Variants in SLC25A29 observed in about 807,000 individuals in gnomAD.
The protein encoded by SLC25A29 is mitochondrial basic amino acids transporter.
A neutral mutation model predicts 10.0 loss-of-function variants in SLC25A29; 13 were observed. The observed-to-expected ratio is 1.30, with a 90% CI of 0.85 to 2.07. SLC25A29 has a LOEUF of 2.07. SLC25A29 is among the 30% of genes most tolerant of loss of function. SLC25A29 has a pLI of 0.00. For synonymous variants in SLC25A29, 244 were observed against 221.1 expected, an observed-to-expected ratio of 1.10 and a Z score of -0.92; for missense variants, 475 against 447.6, an observed-to-expected ratio of 1.06 and a Z score of -0.55.
intron 1 of SLC25A29, among the ~76,000 whole-genome samples, chr14:100,302,927 C>G (rs1343566447): frequency 6.6e-6 from 1 of 152,154 alleles, no homozygotes; most frequent in Admixed American, 6.5e-5. Context: ...CCAACACTTT[C>G]ACTGTGCAGA....
chr14:100,281,638 T>C, the SLC25A29 span: 1 of 152,338 alleles, frequency 6.6e-6, no homozygotes, highest in East Asian at 1.9e-4. Flanking sequence ...TCTCTCTGAC[T>C]TTACAGGACA....
At chr14:100,304,216 T>C (rs1595374868) in intron 1 of SLC25A29, among the ~76,000 whole-genome samples, 1 of 152,144 alleles carries the variant, frequency 6.6e-6, no homozygotes, top group African/African-American at 2.4e-5. Context: ...GCTGCTGGGG[T>C]ACGGGTCCCA....
chr14:100,305,705 C>T (rs1426185531), intron 1 of SLC25A29: 1 of 152,644 alleles, frequency 6.6e-6, no homozygotes, highest in Admixed American at 6.5e-5. Context: ...GACTCGGCGC[C>T]AGAGTGGTTC....
rs752742521 is a variant in SLC25A29, at chr14:100,292,540, C to T, written c.655G>A (p.Ala219Thr). The T allele has an allele frequency of 1.9e-6, 3 of 1,598,424 alleles. No homozygotes were observed. The South Asian group carries it at 3.4e-5, about 18-fold the overall frequency. ...CGCGGGGCGCCCCGCAGTCCGTCCG[C>T]CTGCAGCCGCGACTTGACCACGTCC... Reference protein sequence around the residue: ...PVDVVKSRLQADGLRGAPRYR... With the variant: ...PVDVVKSRLQTDGLRGAPRYR... Residue 219 changes from alanine to threonine, a missense_variant, in exon 4 of 4, where the codon GCG becomes ACG. By Grantham distance (58) the Ala-to-Thr change is moderately conservative (BLOSUM62 0). Transcript: ENST00000359232.
At chr14:100,289,028 G>A (rs1197019636), downstream of SLC25A29, among the ~76,000 whole-genome samples, 2 of 151,846 alleles carry the variant, frequency 1.3e-5, no homozygotes, top group Non-Finnish European at 2.9e-5. Flanking sequence ...AGACACACAG[G>A]AGAAGGCGGC....
the SLC25A29 span, among the ~76,000 whole-genome samples, chr14:100,284,127 C>T: frequency 6.6e-6 from 1 of 152,168 alleles, no homozygotes; most frequent in Non-Finnish European, 1.5e-5. Context: ...TATCACCATG[C>T]TGTAAGAGAG....
chr14:100,298,696 A>T, intron 2 of SLC25A29, 146 bp downstream of exon 2: 1 of 992,482 alleles, frequency 1.0e-6, no homozygotes, highest in Non-Finnish European at 1.6e-6. Context: ...GCCAGGACAA[A>T]GCAGTGAGGA....
intron 1 of SLC25A29, chr14:100,305,901 G>A: frequency 2.9e-6 from 1 of 343,952 alleles, no homozygotes; most frequent in Non-Finnish European, 5.2e-6. Flanking sequence ...GGCGCGGGGG[G>A]CAGTGGGGCA....
chr14:100,288,085 C>T (rs1466861128), downstream of SLC25A29, among the ~76,000 whole-genome samples: 4 of 152,170 alleles, frequency 2.6e-5, no homozygotes, highest in Non-Finnish European at 5.9e-5. Context: ...CAGCTCCGGC[C>T]GCAAGACAGT....
Position 100,306,249 on chromosome 14 carries a change from A to G in SLC25A29, c.-17T>C. On this transcript the variant is annotated 5_prime_UTR_variant, in exon 1 of 4. Coordinates refer to ENST00000359232, the MANE Select transcript of SLC25A29 (RefSeq NM_001039355.3). ...CAGCGCCATGGCCGGGTCCCCGGCG[A>G]GGCCGCCTTTCCTCCTCGTCCTCCC... is the stretch of plus-strand genomic sequence containing the variant. 6.7e-7 allele frequency: 1 copy of G among 1,484,278 alleles called. No homozygotes were observed. Among genetic ancestry groups the G allele is most frequent in the Non-Finnish European group, 8.9e-7 (1 of 1,120,906 alleles). The allele number at this position is 1,484,278 out of a possible 1,614,324, so 91.9% of individuals were successfully genotyped here. A position where few individuals can be genotyped will look rare whatever the true frequency, so the allele number is the denominator to read the frequency against.
Position 100,293,294 on chromosome 14 carries a change from G to A in SLC25A29, c.162C>T (p.Ser54=), listed in dbSNP as rs745888677. 6 of 1,612,848 alleles carry A rather than the reference G, an allele frequency of 3.7e-6. No individual in the cohort carries two copies. The highest frequency in any genetic ancestry group is 1.3e-5 in the African/African-American group (1 of 74,908). ...HCFKSIIKQE[S]VLGLYKGLGS... ...AGCCCCACCAGCCCAGGCCACTCAC[G>A]CTCTCTTGCTTGATGATGGACTTGA... The change falls in exon 3 of 4, where the codon AGC becomes AGT. Residue 54 remains serine, a splice_region_variant and synonymous_variant. Transcript: ENST00000359232.
At chr14:100,283,503 A>G in the SLC25A29 span, among the ~76,000 whole-genome samples, 5 of 121,028 alleles carry the variant, frequency 4.1e-5, no homozygotes, top group African/African-American at 1.7e-4. Context: ...TTTTTTTTTT[A>G]GATGGAGTAT....
At chr14:100,295,517 G>C in intron 2 of SLC25A29, 1 of 1,189,608 alleles carries the variant, frequency 8.4e-7, no homozygotes, top group Non-Finnish European at 1.1e-6. Flanking sequence ...GCCCAAGCTT[G>C]CCTCACACCC....
chr14:100,292,220 AG>A lies in SLC25A29; in HGVS notation c.*62del. The A allele has an allele frequency of 6.6e-7, 1 of 1,518,078 alleles. No homozygotes were observed. The highest frequency in any genetic ancestry group is 1.2e-5 in the South Asian group (1 of 83,252). 94.0% of individuals were successfully genotyped at this position (1,518,078 alleles called of 1,614,324 possible). On this transcript the variant is annotated 3_prime_UTR_variant, in exon 4 of 4. Transcript: ENST00000359232. ...CAGCAGGAAGCAGGGCAATCGACTC[AG>A]GGGCCAATTTATGTCCCAGGTTTCT...
Position 100,299,665 on chromosome 14 carries a change from ATC to A in SLC25A29, c.35-782_35-781del, listed in dbSNP as rs949525350. On this transcript the variant is annotated intron_variant, in intron 1 of 3. Coordinates refer to ENST00000359232, the MANE Select transcript of SLC25A29 (RefSeq NM_001039355.3). ...CCTAAATGCTGTGCAGGTGGTAACCATCTCTGAGTCTTGCCACCACTGTGAGT... is the reference window on the plus strand; with the variant it reads ...CCTAAATGCTGTGCAGGTGGTAACCATCTGAGTCTTGCCACCACTGTGAGT... 1.1e-5 allele frequency: 10 copies of A among 881,244 alleles called. No individual in the cohort carries two copies. The African/African-American group carries it at 1.2e-4, about 11-fold the overall frequency. The allele number at this position is 881,244 out of a possible 1,614,324, so 54.6% of individuals were successfully genotyped here. A position where few individuals can be genotyped will look rare whatever the true frequency, so the allele number is the denominator to read the frequency against.
chr14:100,291,964 G>A lies in SLC25A29; in HGVS notation c.*319C>T, dbSNP rs941035061. The stretch of plus-strand genomic sequence containing the variant: ...TGACGTGGCCAGGATCCCAGAAAGG[G>A]GCTGGAGTGTCTGCCTCAGTTTCCA... On this transcript the variant is annotated 3_prime_UTR_variant, in exon 4 of 4. Coordinates refer to ENST00000359232, the MANE Select transcript of SLC25A29 (RefSeq NM_001039355.3). 9.5e-5 allele frequency: 37 copies of A among 389,364 alleles called. No individual in the cohort carries two copies. The highest frequency in any genetic ancestry group is 1.5e-3 in the Middle Eastern group (2 of 1,298). 24.1% of individuals were successfully genotyped at this position (389,364 alleles called of 1,614,324 possible).
At chr14:100,296,841 G>A (rs895714784) in intron 2 of SLC25A29, among the ~76,000 whole-genome samples, 6 of 152,064 alleles carry the variant, frequency 3.9e-5, no homozygotes, top group East Asian at 1.9e-4. Context: ...CTTGTGATCC[G>A]CCCGCCTCAG....
intron 3 of SLC25A29, 82 bp downstream of exon 3, chr14:100,293,212 C>A: frequency 1.3e-6 from 2 of 1,530,308 alleles, no homozygotes; most frequent in Non-Finnish European, 1.8e-6. Flanking sequence ...TCCTTCCTGG[C>A]TCTCTGGTCT....
At chr14:100,301,858 C>T (rs1892575644) in intron 1 of SLC25A29, among the ~76,000 whole-genome samples, 1 of 151,942 alleles carries the variant, frequency 6.6e-6, no homozygotes, top group African/African-American at 2.4e-5. Context: ...AGGGTAAGCA[C>T]CGCCTCCCCC....
Sources: allele counts gnomAD v4.1 joint callset (sites outside exome capture counted in the v4.1 genomes callset), GRCh38; gene constraint gnomAD v4.1.1; transcripts MANE v1.5; gene names NCBI Gene and HGNC (gene_info 2026-07-23, HGNC 2026-07-21).